Variants in CSMD1 observed in about 807,000 individuals in gnomAD.
CSMD1 encodes CUB and Sushi multiple domains 1.
In CSMD1, 213 loss-of-function variants were observed where a neutral mutation model predicts 417.5. The observed-to-expected ratio is 0.51, with a 90% CI of 0.46 to 0.57. CSMD1 has a LOEUF of 0.57. Ranked by LOEUF, CSMD1 falls within the 20% of genes least tolerant of loss-of-function variation. The pLI, the probability that CSMD1 is intolerant of heterozygous loss-of-function variation, is 0.00. For missense variants in CSMD1, 6,923 were observed against 4,529.7 expected, an observed-to-expected ratio of 1.53 and a Z score of -15.17; for synonymous variants, 2,862 against 1,736.8, an observed-to-expected ratio of 1.65 and a Z score of -16.11.
intron 9 of CSMD1, among the ~76,000 whole-genome samples, chr8:3,579,327 T>G (rs748729262): frequency 4.7e-5 from 6 of 126,328 alleles, no homozygotes; most frequent in Non-Finnish European, 9.0e-5. Flanking sequence ...TTCATGCAAT[T>G]TATCTTACTT....
At chr8:3,818,387 G>A (rs1397254864) in intron 5 of CSMD1, among the ~76,000 whole-genome samples, 1 of 152,158 alleles carries the variant, frequency 6.6e-6, no homozygotes, top group Non-Finnish European at 1.5e-5. Context: ...TACTCTTGGA[G>A]GGAAATCTGA....
intron 6 of CSMD1, among the ~76,000 whole-genome samples, chr8:3,743,684 G>C (rs368857362): frequency 6.6e-6 from 1 of 152,046 alleles, no homozygotes; most frequent in African/African-American, 2.4e-5. Flanking sequence ...ACACTTCTCC[G>C]TATTTTTTCC....
At chr8:3,337,482 T>C (rs953028430) in intron 23 of CSMD1, among the ~76,000 whole-genome samples, 4 of 152,160 alleles carry the variant, frequency 2.6e-5, no homozygotes, top group Non-Finnish European at 5.9e-5. Flanking sequence ...AAGATCTCTT[T>C]GCGGTTGGCA....
rs117134907 is a variant in CSMD1, at chr8:3,276,525, G to A, written c.4153+7619C>T. On this transcript the variant is annotated intron_variant, in intron 26 of 69. Transcript: ENST00000635120. ...TCTCATGAGTCTTATTCACTATCAT[G>A]AGAACAGCAGAAGAAAGACCTGCTC... Among the ~76,000 whole-genome samples the A allele has an allele frequency of 5.5e-3, 843 of 152,226 alleles. 5 individuals carry two copies. Among genetic ancestry groups the A allele is most frequent in the Non-Finnish European group, 8.8e-3 (600 of 68,016 alleles).
intron 7 of CSMD1, among the ~76,000 whole-genome samples, chr8:3,633,316 T>C (rs1165120340): frequency 1.3e-5 from 2 of 152,222 alleles, no homozygotes; most frequent in Non-Finnish European, 2.9e-5. Context: ...CATCGTGTCA[T>C]ACATAAGACT....
intron 10 of CSMD1, among the ~76,000 whole-genome samples, chr8:3,564,515 A>AT (rs774343932): frequency 4.3e-5 from 2 of 46,746 alleles, no homozygotes; most frequent in African/African-American, 1.7e-4. Context: ...TCCACAGTAT[A>AT]TTTGTGTGTG....
At chr8:4,416,307 G>A (rs533463942) in intron 3 of CSMD1, among the ~76,000 whole-genome samples, 1 of 152,088 alleles carries the variant, frequency 6.6e-6, no homozygotes, top group Non-Finnish European at 1.5e-5. Flanking sequence ...GAAAAACCTT[G>A]TTTTACTTAT....
intron 5 of CSMD1, among the ~76,000 whole-genome samples, chr8:3,863,637 T>C (rs766372814): frequency 6.0e-4 from 92 of 152,168 alleles, no homozygotes; most frequent in Non-Finnish European, 1.1e-3. Context: ...CTTCAGCTAC[T>C]GTAAGTTACA....
intron 3 of CSMD1, among the ~76,000 whole-genome samples, chr8:4,371,541 T>C (rs766505555): frequency 6.6e-6 from 1 of 152,214 alleles, no homozygotes; most frequent in African/African-American, 2.4e-5. Flanking sequence ...AATATCGTTA[T>C]AAATTTTTTA....
At chr8:3,350,359 C>T (rs1042859573) in intron 21 of CSMD1, among the ~76,000 whole-genome samples, 37 of 151,654 alleles carry the variant, frequency 2.4e-4, no homozygotes, top group African/African-American at 6.8e-4. Context: ...TAATAACCTT[C>T]GTGACATGTC....
chr8:3,407,623 A>G (rs980554625), intron 14 of CSMD1, among the ~76,000 whole-genome samples: 1 of 152,166 alleles, frequency 6.6e-6, no homozygotes, highest in Non-Finnish European at 1.5e-5. Flanking sequence ...GGATGGATAA[A>G]TGGAAAACCG....
chr8:4,344,725 C>T (rs1419462140), intron 3 of CSMD1, among the ~76,000 whole-genome samples: 1 of 151,874 alleles, frequency 6.6e-6, no homozygotes, highest in Non-Finnish European at 1.5e-5. Context: ...CATCATTGAG[C>T]AAAAGAATAT....
intron 6 of CSMD1, among the ~76,000 whole-genome samples, chr8:3,710,167 A>G (rs558731013): frequency 6.6e-6 from 1 of 152,176 alleles, no homozygotes; most frequent in Non-Finnish European, 1.5e-5. Flanking sequence ...GTTGTCTGCA[A>G]GTTTTTTGTT....
At chr8:4,278,985 T>G (rs941977353) in intron 3 of CSMD1, among the ~76,000 whole-genome samples, 4 of 152,218 alleles carry the variant, frequency 2.6e-5, no homozygotes, top group African/African-American at 9.6e-5. Context: ...AAGATTGCTA[T>G]ATTGTTATAA....
In CSMD1 at chr8:4,805,140, G is replaced by A. The variant is rs539806559; in HGVS notation, c.86-167582C>T. Among the ~76,000 whole-genome samples the A allele has an allele frequency of 3.0e-4, 46 of 152,160 alleles. No homozygotes were observed. The South Asian group carries it at 9.1e-3, about 30-fold the overall frequency. The stretch of plus-strand genomic sequence containing the variant: ...ATGAGGTATAGACCTGATTCTGCAG[G>A]GACGATGTTTTTTCCCCCTGGATGT... On this transcript the variant is annotated intron_variant, in intron 1 of 69. Transcript: ENST00000635120.
chr8:4,553,800 C>T (rs1015761066), intron 2 of CSMD1, among the ~76,000 whole-genome samples: 3 of 152,156 alleles, frequency 2.0e-5, no homozygotes, highest in Admixed American at 2.0e-4. Context: ...CATGAAAAGA[C>T]TTCTGGATCA....
intron 5 of CSMD1, among the ~76,000 whole-genome samples, chr8:3,876,323 C>G (rs1805818790): frequency 6.6e-6 from 1 of 152,146 alleles, no homozygotes; most frequent in African/African-American, 2.4e-5. Flanking sequence ...ATGCACATTT[C>G]AAAGCCCAGG....
chr8:4,131,709 C>G (rs1277595690), intron 3 of CSMD1, among the ~76,000 whole-genome samples: 3 of 147,588 alleles, frequency 2.0e-5, no homozygotes, highest in African/African-American at 5.0e-5. Context: ...AATATACTAT[C>G]AGAACAATGC....
intron 3 of CSMD1, among the ~76,000 whole-genome samples, chr8:4,323,239 T>C (rs991714449): frequency 1.3e-5 from 2 of 152,222 alleles, no homozygotes; most frequent in African/African-American, 2.4e-5. Context: ...TTAGGCATTA[T>C]GTATAAGCAA....
Sources: allele counts gnomAD v4.1 joint callset (sites outside exome capture counted in the v4.1 genomes callset), GRCh38; gene constraint gnomAD v4.1.1; transcripts MANE v1.5; gene names NCBI Gene and HGNC (gene_info 2026-07-23, HGNC 2026-07-21).